The following RAB3C variants were observed in gnomAD, a reference collection of about 807,000 sequenced individuals.
The protein encoded by RAB3C is RAB3C, member RAS oncogene family.
A neutral mutation model predicts 26.4 loss-of-function variants in RAB3C; 17 were observed. That is an observed-to-expected ratio of 0.64 (90% confidence interval 0.44 to 0.97). The LOEUF (loss-of-function observed/expected upper bound fraction) is 0.97. Among genes scored for constraint, RAB3C ranks in the 50% least tolerant of loss-of-function variants. The pLI, the probability that RAB3C is intolerant of heterozygous loss-of-function variation, is 0.00. For synonymous variants in RAB3C, 91 were observed against 95.9 expected (o/e 0.95, Z 0.30); for missense variants, 242 against 281.9 (o/e 0.86, Z 1.01).
At chr5:58,653,131 C>A (rs957744775) in intron 2 of RAB3C, among the ~76,000 whole-genome samples, 3 of 152,092 alleles carry the variant, frequency 2.0e-5, no homozygotes, top group Non-Finnish European at 4.4e-5. Context: ...CCTTGCCCCC[C>A]ACCCTCTGAC....
At chr5:58,756,123 G>T (rs1313306024) in intron 3 of RAB3C, among the ~76,000 whole-genome samples, 1 of 151,156 alleles carries the variant, frequency 6.6e-6, no homozygotes, top group Non-Finnish European at 1.5e-5. Flanking sequence ...CACACAATTG[G>T]CTTTTTGGTT....
chr5:58,634,556 A>C (rs1280017993), intron 2 of RAB3C, among the ~76,000 whole-genome samples: 1 of 152,222 alleles, frequency 6.6e-6, no homozygotes, highest in Non-Finnish European at 1.5e-5. Flanking sequence ...AAATGGTAAG[A>C]CTCAAGAAAT....
intron 2 of RAB3C, among the ~76,000 whole-genome samples, chr5:58,690,958 C>T (rs1289451870): frequency 6.6e-6 from 1 of 152,076 alleles, no homozygotes; most frequent in Admixed American, 6.6e-5. Flanking sequence ...AAGAGGCTAT[C>T]ATTGATGATA....
intron 2 of RAB3C, among the ~76,000 whole-genome samples, chr5:58,652,569 C>G (rs1028364985): frequency 1.3e-5 from 2 of 151,752 alleles, no homozygotes; most frequent in Non-Finnish European, 2.9e-5. Flanking sequence ...TGCTATTATT[C>G]CACCAGGGTA....
In RAB3C at chr5:58,824,174, C is replaced by T. The variant is rs191935486; in HGVS notation, c.372-864C>T. On this transcript the variant is annotated intron_variant, in intron 3 of 4. Transcript: ENST00000282878. Reference sequence around the variant, plus strand: ...AAGTCTTTGCTATTGTGAATAGTGTCGCAATAAACATACGTGTGCGTGTGT... The same window carrying T: ...AAGTCTTTGCTATTGTGAATAGTGTTGCAATAAACATACGTGTGCGTGTGT... 2.2e-3 allele frequency among the ~76,000 whole-genome samples: 338 copies of T among 151,832 alleles called. 1 individual carries two copies. Among genetic ancestry groups the T allele is most frequent in the African/African-American group, 7.9e-3 (325 of 41,356 alleles).
At chr5:58,721,599 C>A (rs1367731582) in intron 2 of RAB3C, among the ~76,000 whole-genome samples, 1 of 151,664 alleles carries the variant, frequency 6.6e-6, no homozygotes, top group Non-Finnish European at 1.5e-5. Flanking sequence ...CATTAGTAAA[C>A]GTCAATTATA....
At chr5:58,815,699 A>G (rs1273319399) in intron 3 of RAB3C, 2 of 152,164 alleles carry the variant, frequency 1.3e-5, no homozygotes, top group African/African-American at 4.8e-5. Context: ...TCACTCATTC[A>G]TTCAATCTCT....
chr5:58,824,997 G>T, intron 3 of RAB3C, 41 bp from the exon 4 acceptor site: 1 of 1,436,082 alleles, frequency 7.0e-7, no homozygotes. Flanking sequence ...ATGCTGTTCT[G>T]CTTTCCTCTG....
intron 2 of RAB3C, among the ~76,000 whole-genome samples, chr5:58,694,387 T>G (rs1271939890): frequency 6.6e-6 from 1 of 152,204 alleles, no homozygotes; most frequent in African/African-American, 2.4e-5. Context: ...AGTGCCGCAA[T>G]AAACATACAT....
chr5:58,590,222 A>C (rs1746100033), intron 1 of RAB3C, among the ~76,000 whole-genome samples: 1 of 152,120 alleles, frequency 6.6e-6, no homozygotes, highest in Non-Finnish European at 1.5e-5. Flanking sequence ...TGTGTTTTTC[A>C]CTTCATTTTT....
chr5:58,720,032 A>G (rs1018597335), intron 2 of RAB3C, among the ~76,000 whole-genome samples: 3 of 151,962 alleles, frequency 2.0e-5, no homozygotes, highest in African/African-American at 7.2e-5. Context: ...AATTCAGTGT[A>G]TATTTCTGGG....
chr5:58,845,614 G>GA (rs1561150596), intron 4 of RAB3C, among the ~76,000 whole-genome samples: 2 of 57,744 alleles, frequency 3.5e-5, no homozygotes, highest in African/African-American at 1.9e-4. Context: ...ATATATATAT[G>GA]TGTGTGTGTG....
At chr5:58,816,826 G>A (rs1743228404) in intron 3 of RAB3C, among the ~76,000 whole-genome samples, 1 of 152,168 alleles carries the variant, frequency 6.6e-6, no homozygotes, top group Non-Finnish European at 1.5e-5. Context: ...CTAGAAAGTT[G>A]AAGCTAGAAG....
At chr5:58,793,906 G>A (rs1423373) in intron 3 of RAB3C, among the ~76,000 whole-genome samples, 33,592 of 151,882 alleles carry the variant, frequency 0.22, 3,928 homozygotes, top group East Asian at 0.45. Flanking sequence ...TGAGTTTATT[G>A]TCTATCTTCT....
chr5:58,628,136 G>A (rs147769453), intron 2 of RAB3C, among the ~76,000 whole-genome samples: 5 of 107,612 alleles, frequency 4.6e-5, no homozygotes, highest in Middle Eastern at 0.01. Flanking sequence ...CAGCCTGGGC[G>A]ACAAGGCAAG....
chr5:58,732,003 C>T (rs1339599516), intron 3 of RAB3C, among the ~76,000 whole-genome samples: 5 of 152,038 alleles, frequency 3.3e-5, no homozygotes. Context: ...GACCAAGAGC[C>T]CTTCAGACAG....
At chr5:58,629,879 T>A (rs930665125) in intron 2 of RAB3C, among the ~76,000 whole-genome samples, 1 of 152,222 alleles carries the variant, frequency 6.6e-6, no homozygotes, top group Non-Finnish European at 1.5e-5. Flanking sequence ...CCTCCAAGAT[T>A]GTCACTAATT....
chr5:58,630,829 A>G (rs759607860), intron 2 of RAB3C, among the ~76,000 whole-genome samples: 12 of 152,204 alleles, frequency 7.9e-5, no homozygotes, highest in Non-Finnish European at 1.3e-4. Flanking sequence ...TTAGCAGAAG[A>G]CTACAGCAGT....
chr5:58,693,336 G>GTATATATATATATATATATATATA (rs61291213), intron 2 of RAB3C, among the ~76,000 whole-genome samples: 7 of 111,740 alleles, frequency 6.3e-5, no homozygotes, highest in African/African-American at 2.6e-4. Context: ...ATATATATGT[G>GTATATATATATATATATATATATA]TATATATATA....
Sources: gnomAD v4.1 joint callset for allele counts (sites outside exome capture counted in the v4.1 genomes callset) on GRCh38, gnomAD v4.1.1 for gene constraint, MANE v1.5 for transcripts, NCBI Gene and HGNC (gene_info 2026-07-23, HGNC 2026-07-21) for gene names.